ZNF532: variants seen among roughly 807,000 people sequenced by gnomAD.
The protein encoded by ZNF532 is zinc finger protein 532.
Under a neutral mutation model 89.3 loss-of-function variants are expected in ZNF532, and 22 were observed. The observed-to-expected ratio is 0.25, with a 90% confidence interval of 0.18 to 0.35. ZNF532 has a LOEUF of 0.35. Ranked by LOEUF, ZNF532 falls within the 10% of genes least tolerant of loss-of-function variation. The probability of loss-of-function intolerance (pLI) is 1.00; values close to 1 mark genes in which losing one functional copy is unlikely to be tolerated. For missense variants in ZNF532, 1,132 were observed against 1,643.4 expected, an observed-to-expected ratio of 0.69 and a Z score of 5.38; for synonymous variants, 606 against 649.6, an observed-to-expected ratio of 0.93 and a Z score of 1.02.
Position 58,888,804 on chromosome 18 carries a change from TATATAA to T in ZNF532, c.-18+23227_-18+23232del, listed in dbSNP as rs2058593750. 7.1e-5 allele frequency among the ~76,000 whole-genome samples: 4 copies of T among 56,456 alleles called. 1 individual carries two copies. Among genetic ancestry groups the T allele is most frequent in the Non-Finnish European group, 1.1e-4 (4 of 36,520 alleles). The allele number at this position is 56,456 out of a possible 152,430, so 37.0% of individuals were successfully genotyped here. ...ATATATAAAATATATATAATTTATA[TATATAA>T]AAAATTATATATATAAATTATATAT... On this transcript the variant is annotated intron_variant, in intron 2 of 9. Coordinates refer to ENST00000591808, the MANE Select transcript of ZNF532 (RefSeq NM_001375912.1).
Position 58,899,703 on chromosome 18 carries a change from A to G in ZNF532, c.-17-18568A>G, listed in dbSNP as rs116810908. ...AGGGTGGTCTCAATCTCTCGACTTCATGATCTGCCTGCCTCGGCCTCCCAA... is the reference window on the plus strand; with the variant it reads ...AGGGTGGTCTCAATCTCTCGACTTCGTGATCTGCCTGCCTCGGCCTCCCAA... On this transcript the variant is annotated intron_variant, in intron 2 of 9. Transcript: ENST00000591808. Among the ~76,000 whole-genome samples, 741 of 152,256 alleles carry G rather than the reference A, an allele frequency of 4.9e-3. 7 individuals are homozygous for G. Among genetic ancestry groups the G allele is most frequent in the African/African-American group, 0.016 (672 of 41,544 alleles).
chr18:58,939,360 A>C, intron 4 of ZNF532, 85 bp from the exon 5 acceptor site: 1 of 1,203,130 alleles, frequency 8.3e-7, no homozygotes, highest in Non-Finnish European at 1.1e-6. Context: ...AAGGGCTATG[A>C]AAGTGTGTTC....
At chr18:58,877,073 A>G (rs1365567717) in intron 2 of ZNF532, among the ~76,000 whole-genome samples, 1 of 151,840 alleles carries the variant, frequency 6.6e-6, no homozygotes, top group Non-Finnish European at 1.5e-5. Context: ...AAAAAAAAAA[A>G]GCAGAAAAGA....
intron 5 of ZNF532, among the ~76,000 whole-genome samples, chr18:58,941,846 C>T (rs576330080): frequency 6.8e-6 from 1 of 147,504 alleles, no homozygotes; most frequent in Non-Finnish European, 1.5e-5. Context: ...TTCCCCTCAC[C>T]TCCCTTCCTC....
intron 3 of ZNF532, among the ~76,000 whole-genome samples, chr18:58,927,038 A>G (rs2146287711): frequency 6.6e-6 from 1 of 152,286 alleles, no homozygotes; most frequent in South Asian, 2.1e-4. Flanking sequence ...AAGAATTGAG[A>G]AGTATTCCCT....
chr18:58,966,086 T>C (rs1467774887), intron 7 of ZNF532, among the ~76,000 whole-genome samples: 1 of 152,148 alleles, frequency 6.6e-6, no homozygotes, highest in Non-Finnish European at 1.5e-5. Flanking sequence ...CTCTAGATAA[T>C]TGTGTTACCT....
chr18:58,930,425 G>A (rs966844444), intron 3 of ZNF532, among the ~76,000 whole-genome samples: 2 of 152,032 alleles, frequency 1.3e-5, no homozygotes, highest in African/African-American at 4.8e-5. Flanking sequence ...TCAGGAGTTC[G>A]AGACCAGCCT....
chr18:58,947,080 C>G (rs895563261), intron 5 of ZNF532, among the ~76,000 whole-genome samples: 39 of 152,180 alleles, frequency 2.6e-4, no homozygotes, highest in Non-Finnish European at 4.3e-4. Flanking sequence ...CTGACCTTTT[C>G]CTAAGCGGCT....
chr18:58,973,217 C>T (rs1432749240), intron 7 of ZNF532, among the ~76,000 whole-genome samples: 1 of 152,208 alleles, frequency 6.6e-6, no homozygotes. Flanking sequence ...ATTCTTGTGC[C>T]TCAGCCTCCT....
At chr18:58,873,227 G>T (rs558922802) in intron 2 of ZNF532, among the ~76,000 whole-genome samples, 27 of 152,062 alleles carry the variant, frequency 1.8e-4, no homozygotes, top group Non-Finnish European at 1.6e-4. Flanking sequence ...TCTCTATGTT[G>T]CCCAGGCTGG....
intron 4 of ZNF532, among the ~76,000 whole-genome samples, chr18:58,935,985 G>A (rs908507910): frequency 6.6e-6 from 1 of 152,222 alleles, no homozygotes; most frequent in African/African-American, 2.4e-5. Flanking sequence ...ACAACACTAA[G>A]CTATGAGACT....
At chr18:58,981,657 T>C in intron 9 of ZNF532, 40 bp downstream of exon 9, 2 of 1,609,690 alleles carry the variant, frequency 1.2e-6, no homozygotes. Context: ...TGAAATTGTG[T>C]TGACTTGCTT....
At chr18:58,947,958 G>T in intron 5 of ZNF532, 109 bp from the exon 6 acceptor site, 1 of 980,440 alleles carries the variant, frequency 1.0e-6, no homozygotes, top group East Asian at 2.6e-5. Context: ...TATTGTGTTT[G>T]TGTGTTCTCA....
intron 2 of ZNF532, among the ~76,000 whole-genome samples, chr18:58,902,069 G>A (rs928137962): frequency 1.3e-5 from 2 of 152,094 alleles, no homozygotes; most frequent in African/African-American, 4.8e-5. Context: ...TTGTTTCGGG[G>A]CATGGGTACC....
intron 7 of ZNF532, among the ~76,000 whole-genome samples, chr18:58,973,350 G>A (rs543313871): frequency 2.6e-4 from 40 of 152,286 alleles, no homozygotes; most frequent in Admixed American, 2.0e-3. Flanking sequence ...TGGTGCGCCC[G>A]CCTTGGCTTC....
At chr18:58,906,585 G>A (rs2059949942) in intron 2 of ZNF532, among the ~76,000 whole-genome samples, 1 of 152,100 alleles carries the variant, frequency 6.6e-6, no homozygotes. Context: ...TGCAGCTCCG[G>A]GCAGGTTGTC....
intron 9 of ZNF532, among the ~76,000 whole-genome samples, chr18:58,983,122 A>T (rs2068016997): frequency 6.6e-6 from 1 of 151,292 alleles, no homozygotes; most frequent in African/African-American, 2.5e-5. Flanking sequence ...AAAAAAAAAG[A>T]AAGTGTGTGC....
chr18:58,912,892 A>G (rs560344297), intron 2 of ZNF532, among the ~76,000 whole-genome samples: 1 of 152,176 alleles, frequency 6.6e-6, no homozygotes, highest in East Asian at 1.9e-4. Context: ...GCAGTGAACC[A>G]TGGCAGCTGC....
chr18:58,871,092 C>T (rs1602473376), intron 2 of ZNF532, among the ~76,000 whole-genome samples: 5 of 152,048 alleles, frequency 3.3e-5, no homozygotes, highest in Non-Finnish European at 5.9e-5. Flanking sequence ...ATAAACGAAG[C>T]GGCAGGGGTG....
Sources: allele counts gnomAD v4.1 joint callset (sites outside exome capture counted in the v4.1 genomes callset), GRCh38; gene constraint gnomAD v4.1.1; transcripts MANE v1.5; gene names NCBI Gene and HGNC (gene_info 2026-07-23, HGNC 2026-07-21).